The following UGT2A2 variants were observed in gnomAD, a reference collection of about 807,000 sequenced individuals.
UGT2A2 encodes the protein UDP-glucuronosyltransferase 2A2.
UGT2A2 carries 60 observed loss-of-function variants against 50.7 expected under a neutral mutation model. That is an observed-to-expected ratio of 1.18 (90% CI 0.96 to 1.47). The LOEUF (loss-of-function observed/expected upper bound fraction) is 1.47. Ranked by LOEUF, UGT2A2 falls within the 40% of genes most tolerant of loss-of-function variation. UGT2A2 has a pLI of 0.00. For missense variants in UGT2A2, 762 were observed against 634.0 expected (o/e 1.20, Z -2.17); for synonymous variants, 242 against 214.6 (o/e 1.13, Z -1.11).
chr4:69,619,169 A>G (rs1436252027), intron 1 of UGT2A2, among the ~76,000 whole-genome samples: 1 of 151,916 alleles, frequency 6.6e-6, no homozygotes, highest in East Asian at 1.9e-4. Flanking sequence ...AAGCCAATAC[A>G]GGAGGATTGC....
chr4:69,604,604 C>T (rs1307176331), intron 1 of UGT2A2, among the ~76,000 whole-genome samples: 2 of 136,482 alleles, frequency 1.5e-5, no homozygotes, highest in African/African-American at 3.0e-5. Context: ...CTAAATGCTC[C>T]AATTAAAAGA....
At chr4:69,605,958 G>C (rs1448452187) in intron 1 of UGT2A2, among the ~76,000 whole-genome samples, 1 of 136,404 alleles carries the variant, frequency 7.3e-6, no homozygotes, top group Middle Eastern at 3.6e-3. Flanking sequence ...AAAAGTCCAG[G>C]ACCAGATGGA....
At chr4:69,615,242 A>G (rs1199013418) in intron 1 of UGT2A2, among the ~76,000 whole-genome samples, 1 of 152,048 alleles carries the variant, frequency 6.6e-6, no homozygotes, top group East Asian at 1.9e-4. Flanking sequence ...AATCTTTCTA[A>G]TCTTTAAGTT....
In UGT2A2 at chr4:69,594,481, G is replaced by T. The variant is rs181872950; in HGVS notation, c.1327C>A (p.Pro443Thr). 16 of 1,614,056 alleles carry T rather than the reference G, an allele frequency of 9.9e-6. No individual in the cohort carries two copies. The highest frequency in any genetic ancestry group is 3.3e-4 in the Middle Eastern group (2 of 6,060). Residue 443 changes from proline (P) to threonine (T), a missense_variant, in exon 5 of 6, where the codon CCT becomes ACT. Physicochemically the swap from Pro to Thr is conservative, Grantham distance 38 (BLOSUM62 -1). Transcript: ENST00000604629. ...TTTAGGAGCCTTAGTACTTACGAAGGTTCATTAATGACTGTTCTCAAAGCG... is the reference window on the plus strand; with the variant it reads ...TTTAGGAGCCTTAGTACTTACGAAGTTTCATTAATGACTGTTCTCAAAGCG... ...LSALRTVINE[P>T]SYKENAMRLS...
chr4:69,614,011 C>T (rs1043024896), intron 1 of UGT2A2, among the ~76,000 whole-genome samples: 9 of 152,016 alleles, frequency 5.9e-5, no homozygotes, highest in African/African-American at 2.2e-4. Flanking sequence ...AAAGGGCATT[C>T]AAATTATAAA....
Position 69,589,469 on chromosome 4 carries a change from A to T in UGT2A2, c.1514T>A (p.Leu505Gln). The T allele has an allele frequency of 6.2e-7, 1 of 1,614,176 alleles. No homozygotes were observed. The highest frequency in any genetic ancestry group is 8.5e-7 in the Non-Finnish European group (1 of 1,180,022). ...YHSLDVIGFL[L>Q]VCVTTAIFLV... Reference sequence around the variant, plus strand: ...AAATATAGCCGTTGTCACACAGACCAGCAAGAACCCAATTACATCCAAAGA... The same window carrying T: ...AAATATAGCCGTTGTCACACAGACCTGCAAGAACCCAATTACATCCAAAGA... The change falls in exon 6 of 6, where the codon CTG (leucine) becomes CAG (glutamine). Residue 505 changes from leucine to glutamine, a missense_variant. By Grantham distance (113) the Leu-to-Gln change is moderately radical (BLOSUM62 -2). Coordinates refer to ENST00000604629, the MANE Select transcript of UGT2A2 (RefSeq NM_001105677.2).
At chr4:69,601,813 G>C (rs1560471637) in intron 1 of UGT2A2, among the ~76,000 whole-genome samples, 1 of 137,100 alleles carries the variant, frequency 7.3e-6, no homozygotes, top group Non-Finnish European at 1.6e-5. Context: ...GCACCAGTCT[G>C]GGGTGTGACA....
intron 1 of UGT2A2, among the ~76,000 whole-genome samples, chr4:69,631,531 T>C (rs1721388207): frequency 6.6e-6 from 1 of 152,166 alleles, no homozygotes; most frequent in African/African-American, 2.4e-5. Context: ...TTAGTTATCT[T>C]TCCAAGGTAT....
intron 5 of UGT2A2, among the ~76,000 whole-genome samples, chr4:69,590,563 T>C (rs528968405): frequency 2.0e-5 from 3 of 152,106 alleles, no homozygotes; most frequent in East Asian, 1.9e-4. Flanking sequence ...GACTGGGGAA[T>C]GGGGAACATG....
chr4:69,633,438 C>T (rs1721498180), intron 1 of UGT2A2, among the ~76,000 whole-genome samples: 1 of 152,148 alleles, frequency 6.6e-6, no homozygotes, highest in African/African-American at 2.4e-5. Context: ...GTCAATTCCA[C>T]TCTCACGAAT....
chr4:69,598,305 G>C lies in UGT2A2; in HGVS notation c.891+941C>G, dbSNP rs563019170. On this transcript the variant is annotated intron_variant, in intron 2 of 5. Coordinates refer to ENST00000604629, the MANE Select transcript of UGT2A2 (RefSeq NM_001105677.2). ...TTCTAAAAAGATTACATTTGCTTGT[G>C]TATAAACCAAGTAAATAATAGCCTG... 9.2e-5 allele frequency among the ~76,000 whole-genome samples: 14 copies of C among 152,090 alleles called. 1 individual carries two copies. The highest frequency in any genetic ancestry group is 7.9e-4 in the Admixed American group (12 of 15,264).
chr4:69,589,399 C>T lies in UGT2A2; in HGVS notation c.1584G>A (p.Lys528=), dbSNP rs747409557. ...ATTCTCTTTTTTTCTTCTTTCCTATCTTACCAAATTTTTGACAGGAAAACA... is the reference window on the plus strand; with the variant it reads ...ATTCTCTTTTTTTCTTCTTTCCTATTTTACCAAATTTTTGACAGGAAAACA... The part of the protein sequence containing the change: ...CCLFSCQKFG[K]IGKKKKRE Residue 528 remains lysine, a synonymous_variant, in exon 6 of 6, where the codon AAG becomes AAA. Coordinates refer to ENST00000604629, the MANE Select transcript of UGT2A2 (RefSeq NM_001105677.2). 2 of 1,612,794 alleles carry T rather than the reference C, an allele frequency of 1.2e-6. No homozygotes were observed. Among genetic ancestry groups the T allele is most frequent in the East Asian group, 4.5e-5 (2 of 44,860 alleles).
intron 1 of UGT2A2, among the ~76,000 whole-genome samples, chr4:69,600,277 G>A (rs1160685257): frequency 6.6e-6 from 1 of 152,140 alleles, no homozygotes; most frequent in Non-Finnish European, 1.5e-5. Context: ...AGAAAGAGCA[G>A]CATCTGGACA....
intron 1 of UGT2A2, among the ~76,000 whole-genome samples, chr4:69,608,925 C>T (rs1357131990): frequency 6.6e-6 from 1 of 152,036 alleles, no homozygotes; most frequent in Admixed American, 6.5e-5. Context: ...AAAACCATAG[C>T]TTCTATTAAG....
rs143979063 is a variant in UGT2A2 at position 69,611,265 on chromosome 4, T to C, written c.743-11871A>G. Among the ~76,000 whole-genome samples the C allele has an allele frequency of 7.1e-3, 764 of 108,002 alleles. 10 individuals carry two copies. Among genetic ancestry groups the C allele is most frequent in the African/African-American group, 0.026 (699 of 26,800 alleles). The allele number at this position is 108,002 out of a possible 152,430, so 70.9% of individuals were successfully genotyped here. ...GCTTCAAGCAATCCTCCTACCTCAA[T>C]CTCCCAGTAGGTCACCTCCAAGTCC... On this transcript the variant is annotated intron_variant, in intron 1 of 5. Coordinates refer to ENST00000604629, the MANE Select transcript of UGT2A2 (RefSeq NM_001105677.2).
intron 1 of UGT2A2, among the ~76,000 whole-genome samples, chr4:69,633,270 G>C (rs1186435131): frequency 6.6e-6 from 1 of 152,084 alleles, no homozygotes. Flanking sequence ...AAAAACAATA[G>C]AGATCAACAG....
intron 3 of UGT2A2, 92 bp from the exon 4 acceptor site, chr4:69,595,341 C>A: frequency 6.9e-7 from 1 of 1,445,918 alleles, no homozygotes; most frequent in Non-Finnish European, 9.5e-7. Flanking sequence ...TAGCCAGCTA[C>A]TTGGAAGACG....
chr4:69,638,995 C>T lies in UGT2A2; in HGVS notation c.646G>A (p.Gly216Ser). 6.2e-7 allele frequency: 1 copy of T among 1,613,028 alleles called. No individual in the cohort carries two copies. The highest frequency in any genetic ancestry group is 8.5e-7 in the Non-Finnish European group (1 of 1,179,472). Reference sequence around the variant, plus strand: ...GATATGGTATTTTTAATCCTTTCACCAAAGGTCATCTGGTCAGTGAGCTCT... The same window carrying T: ...GATATGGTATTTTTAATCCTTTCACTAAAGGTCATCTGGTCAGTGAGCTCT... Reference protein sequence around the residue: ...LSELTDQMTFGERIKNTISYS... With the variant: ...LSELTDQMTFSERIKNTISYS... The change falls in exon 1 of 6, where the codon GGT becomes AGT. Residue 216 changes from glycine (G) to serine (S), a missense_variant. Transcript: ENST00000604629.
At position 69,599,331 on chromosome 4, in the gene UGT2A2, C is replaced by T; in HGVS notation, c.806G>A (p.Trp269Ter). ...KAEIWLIRTYWDFEFPRPYLP... is the reference protein window; with the variant it reads ...KAEIWLIRTY Reference sequence around the variant, plus strand: ...GTATGGACGAGGAAATTCAAAATCCCAATATGTTCGGATTAACCAAATTTC... The same window carrying T: ...GTATGGACGAGGAAATTCAAAATCCTAATATGTTCGGATTAACCAAATTTC... The change falls in exon 2 of 6, where the codon TGG becomes TAG. Residue 269 changes from tryptophan (W) to a stop codon, truncating the protein, a stop_gained. Coordinates refer to ENST00000604629, the MANE Select transcript of UGT2A2 (RefSeq NM_001105677.2). LOFTEE classifies it high-confidence loss of function. 4 of 1,613,766 alleles carry T rather than the reference C, an allele frequency of 2.5e-6. No individual in the cohort carries two copies. The highest frequency in any genetic ancestry group is 3.4e-6 in the Non-Finnish European group (4 of 1,179,890).
Sources: allele counts gnomAD v4.1 joint callset (sites outside exome capture counted in the v4.1 genomes callset), GRCh38; gene constraint gnomAD v4.1.1; transcripts MANE v1.5; gene names NCBI Gene and HGNC (gene_info 2026-07-23, HGNC 2026-07-21).